The following CNTN5 variants were observed in gnomAD, a reference collection of about 807,000 sequenced individuals.
The protein encoded by CNTN5 is contactin 5, also known as contactin-5.
CNTN5 carries 77 observed loss-of-function variants against 129.1 expected under a neutral mutation model. That is an observed-to-expected ratio of 0.60 (90% confidence interval 0.50 to 0.72). The LOEUF (loss-of-function observed/expected upper bound fraction) is 0.72, where lower values mean the gene tolerates loss of function less well. Among genes scored for constraint, CNTN5 ranks in the 30% least tolerant of loss-of-function variants. The pLI is 0.00. For missense variants in CNTN5, 1,478 were observed against 1,328.8 expected, an observed-to-expected ratio of 1.11 and a Z score of -1.75; for synonymous variants, 509 against 465.6, an observed-to-expected ratio of 1.09 and a Z score of -1.20.
intron 3 of CNTN5, among the ~76,000 whole-genome samples, chr11:99,627,443 A>T (rs1565364023): frequency 7.6e-6 from 1 of 131,824 alleles, no homozygotes; most frequent in African/African-American, 2.6e-5. Flanking sequence ...GAAATGGAAA[A>T]ATATGGTTTT....
chr11:99,964,524 G>T (rs1015077536), intron 8 of CNTN5, among the ~76,000 whole-genome samples: 1 of 152,188 alleles, frequency 6.6e-6, no homozygotes, highest in African/African-American at 2.4e-5. Flanking sequence ...GATAGTGGTG[G>T]ATAAGCTTTT....
chr11:99,883,372 G>A (rs1463238975), intron 6 of CNTN5, among the ~76,000 whole-genome samples: 1 of 152,052 alleles, frequency 6.6e-6, no homozygotes, highest in African/African-American at 2.4e-5. Context: ...ATCCTTGCCG[G>A]CATTCGTTAT....
At chr11:99,730,557 T>C (rs1238184272) in intron 3 of CNTN5, among the ~76,000 whole-genome samples, 2 of 152,224 alleles carry the variant, frequency 1.3e-5, no homozygotes, top group Non-Finnish European at 2.9e-5. Flanking sequence ...AGCAAGTTTA[T>C]GGTTATGTTT....
chr11:99,937,063 AG>A (rs1565696514), intron 7 of CNTN5, among the ~76,000 whole-genome samples: 1 of 152,204 alleles, frequency 6.6e-6, no homozygotes, highest in African/African-American at 2.4e-5. Flanking sequence ...TAAAGGAAAA[AG>A]AAAAAAAATA....
At chr11:99,412,641 T>C (rs1449354399) in intron 2 of CNTN5, among the ~76,000 whole-genome samples, 1 of 152,178 alleles carries the variant, frequency 6.6e-6, no homozygotes, top group Non-Finnish European at 1.5e-5. Flanking sequence ...TTAATCCTGT[T>C]TCACAGAGAA....
chr11:99,814,979 AAC>A (rs2135533353), intron 3 of CNTN5, among the ~76,000 whole-genome samples: 1 of 152,118 alleles, frequency 6.6e-6, no homozygotes, highest in Admixed American at 6.6e-5. Flanking sequence ...GATCTTGACA[AAC>A]ACTTATAAAA....
intron 1 of CNTN5, among the ~76,000 whole-genome samples, chr11:99,320,907 C>T (rs1196306895): frequency 6.6e-6 from 1 of 152,068 alleles, no homozygotes. Context: ...GATGGCTCTC[C>T]CTAGTGAGAG....
In CNTN5 at chr11:99,069,652, C is replaced by T. The variant is rs368940271; in HGVS notation, c.-210+48382C>T. On this transcript the variant is annotated intron_variant, in intron 1 of 24. Transcript: ENST00000524871. The stretch of plus-strand genomic sequence containing the variant: ...CCTTACATCAGTACCAGACATTTTT[C>T]AGGTACTTAATAAATATTTGTTTTA... Among the ~76,000 whole-genome samples, 329 of 152,202 alleles carry T rather than the reference C, an allele frequency of 2.2e-3. 3 individuals carry two copies. The highest frequency in any genetic ancestry group is 3.8e-3 in the African/African-American group (156 of 41,508).
chr11:99,403,800 A>G (rs1012655619), intron 2 of CNTN5, among the ~76,000 whole-genome samples: 4 of 152,184 alleles, frequency 2.6e-5, no homozygotes, highest in African/African-American at 9.7e-5. Flanking sequence ...ATGATGATCC[A>G]TGTGCTGAGG....
intron 2 of CNTN5, among the ~76,000 whole-genome samples, chr11:99,406,614 C>T (rs554253703): frequency 6.6e-6 from 1 of 152,266 alleles, no homozygotes; most frequent in East Asian, 1.9e-4. Context: ...GCCAAGCCAG[C>T]CAGTCCTATG....
intron 1 of CNTN5, among the ~76,000 whole-genome samples, chr11:99,305,309 A>G (rs1864825152): frequency 6.6e-6 from 1 of 152,220 alleles, no homozygotes; most frequent in African/African-American, 2.4e-5. Context: ...TATTCCTAGT[A>G]TATTCTAACA....
intron 24 of CNTN5, among the ~76,000 whole-genome samples, chr11:100,353,493 T>C (rs1952459841): frequency 6.6e-6 from 1 of 151,626 alleles, no homozygotes; most frequent in Non-Finnish European, 1.5e-5. Flanking sequence ...AGACCCTACT[T>C]AGCATTCTGA....
chr11:99,968,352 A>G (rs1951152486), intron 8 of CNTN5, among the ~76,000 whole-genome samples: 1 of 152,170 alleles, frequency 6.6e-6, no homozygotes, highest in Non-Finnish European at 1.5e-5. Flanking sequence ...GGTGGTGGGG[A>G]GTCTATGATT....
At chr11:99,174,131 T>C (rs1220535795) in intron 1 of CNTN5, among the ~76,000 whole-genome samples, 1 of 152,112 alleles carries the variant, frequency 6.6e-6, no homozygotes, top group Non-Finnish European at 1.5e-5. Flanking sequence ...CCCGAGTAGC[T>C]TGGATTGCAG....
chr11:100,044,714 A>G (rs773951667), intron 9 of CNTN5, among the ~76,000 whole-genome samples: 7 of 151,742 alleles, frequency 4.6e-5, no homozygotes, highest in Non-Finnish European at 8.8e-5. Context: ...AGTTCATTGT[A>G]TATTCTGGAT....
At chr11:99,820,744 G>T (rs2135561272) in intron 4 of CNTN5, among the ~76,000 whole-genome samples, 1 of 152,348 alleles carries the variant, frequency 6.6e-6, no homozygotes, top group African/African-American at 2.4e-5. Context: ...AGGTCACACT[G>T]CTAATAGGTA....
chr11:99,729,317 A>G (rs1943451297), intron 3 of CNTN5, among the ~76,000 whole-genome samples: 1 of 151,958 alleles, frequency 6.6e-6, no homozygotes, highest in Non-Finnish European at 1.5e-5. Flanking sequence ...TTTTACCTTT[A>G]GGTTTGTGGG....
At chr11:99,050,975 T>G (rs1022244768) in intron 1 of CNTN5, among the ~76,000 whole-genome samples, 5 of 151,934 alleles carry the variant, frequency 3.3e-5, no homozygotes, top group African/African-American at 1.2e-4. Context: ...ATGTGTATAT[T>G]AATATCATCA....
At chr11:99,147,111 G>A (rs1859826408) in intron 1 of CNTN5, among the ~76,000 whole-genome samples, 1 of 152,178 alleles carries the variant, frequency 6.6e-6, no homozygotes, top group Middle Eastern at 3.2e-3. Flanking sequence ...AATTGACATT[G>A]TGCTTGCTTT....
Sources: allele counts gnomAD v4.1 joint callset (sites outside exome capture counted in the v4.1 genomes callset), GRCh38; gene constraint gnomAD v4.1.1; transcripts MANE v1.5; gene names NCBI Gene and HGNC (gene_info 2026-07-23, HGNC 2026-07-21).